Variants in INPP5A observed in about 807,000 individuals in gnomAD.
INPP5A encodes the protein 43 kDa inositol polyphosphate 5-phophatase.
In INPP5A, 14 loss-of-function variants were observed where a neutral mutation model predicts 65.2. The ratio of observed to expected loss-of-function variants is 0.21; its 90% CI spans 0.14 to 0.34. The LOEUF (loss-of-function observed/expected upper bound fraction) is 0.34. INPP5A is among the 10% of genes least tolerant of loss of function. The probability of loss-of-function intolerance (pLI) is 1.00; values close to 1 mark genes in which losing one functional copy is unlikely to be tolerated. For missense variants in INPP5A, 431 were observed against 545.6 expected (o/e 0.79, Z 2.09); for synonymous variants, 207 against 208.3 (o/e 0.99, Z 0.05).
chr10:132,730,891 TCAGATCTGATAA>T (rs1846072717), intron 9 of INPP5A, among the ~76,000 whole-genome samples: 2 of 152,192 alleles, frequency 1.3e-5, no homozygotes, highest in African/African-American at 4.8e-5. Flanking sequence ...TCATTTTAAT[TCAGATCTGATAA>T]TTCAGATCTG....
chr10:132,744,366 C>T (rs966632835), intron 9 of INPP5A, among the ~76,000 whole-genome samples: 7 of 152,194 alleles, frequency 4.6e-5, no homozygotes, highest in Admixed American at 2.0e-4. Context: ...GCAGAGCGGC[C>T]GCTGTCACCG....
At position 132,707,695 on chromosome 10, in the gene INPP5A, C is replaced by G. The variant is rs559899496; in HGVS notation, c.475-618C>G. Among the ~76,000 whole-genome samples the G allele has an allele frequency of 2.0e-5, 3 of 152,158 alleles. No individual in the cohort carries two copies. Among genetic ancestry groups the G allele is most frequent in the Non-Finnish European group, 4.4e-5 (3 of 68,030 alleles). ...CCTCTTTGGAATCTCATGCTGTTGACTGTTTCACTTGAATTTTGGGGGTAC... is the reference window on the plus strand; with the variant it reads ...CCTCTTTGGAATCTCATGCTGTTGAGTGTTTCACTTGAATTTTGGGGGTAC... On this transcript the variant is annotated intron_variant, in intron 6 of 15. Transcript: ENST00000368594. This position sits in a 1 kb window ranked among gnomAD's most constrained non-coding sequence, Gnocchi z 5.5.
chr10:132,630,400 G>T (rs2072249634), intron 2 of INPP5A, among the ~76,000 whole-genome samples: 1 of 152,112 alleles, frequency 6.6e-6, no homozygotes, highest in African/African-American at 2.4e-5. Context: ...AGATGTCTAT[G>T]AGGAGATGGT....
intron 11 of INPP5A, among the ~76,000 whole-genome samples, chr10:132,761,632 A>G (rs1846734917): frequency 6.6e-6 from 1 of 152,142 alleles, no homozygotes; most frequent in Admixed American, 6.5e-5. Context: ...AGAGCCATAA[A>G]CAGTCACCCT....
intron 4 of INPP5A, among the ~76,000 whole-genome samples, chr10:132,653,131 C>A (rs973482387): frequency 1.3e-5 from 2 of 152,156 alleles, no homozygotes; most frequent in South Asian, 4.1e-4. Flanking sequence ...TCCGTCTGTC[C>A]GAGCCTGGCT....
At chr10:132,693,355 A>G (rs186317554) in intron 5 of INPP5A, among the ~76,000 whole-genome samples, 9 of 152,328 alleles carry the variant, frequency 5.9e-5, no homozygotes, top group Admixed American at 4.6e-4. Context: ...TGGTCTAAAT[A>G]TACCAATTAA....
At position 132,538,359 on chromosome 10, in the gene INPP5A, C is replaced by G. The variant is rs1343791573; in HGVS notation, c.75+188C>G. Reference sequence around the variant, plus strand: ...CAAGTCTGGGAGCCCAGACCCCTGTCTTGATCCCCAAGCCCGAGACCTGAA... The same window carrying G: ...CAAGTCTGGGAGCCCAGACCCCTGTGTTGATCCCCAAGCCCGAGACCTGAA... On this transcript the variant is annotated intron_variant, in intron 1 of 15. Coordinates refer to ENST00000368594, the MANE Select transcript of INPP5A (RefSeq NM_005539.5). The surrounding 1 kb of genome is among the most constrained non-coding windows in gnomAD (Gnocchi z 4.1). 1.3e-5 allele frequency among the ~76,000 whole-genome samples: 2 copies of G among 152,132 alleles called. No homozygotes were observed. Among genetic ancestry groups the G allele is most frequent in the Non-Finnish European group, 2.9e-5 (2 of 68,008 alleles).
At chr10:132,612,421 GT>G (rs1456573446) in intron 2 of INPP5A, among the ~76,000 whole-genome samples, 1 of 150,912 alleles carries the variant, frequency 6.6e-6, no homozygotes, top group African/African-American at 2.5e-5. Context: ...GTTGTGTTTT[GT>G]GGGGTTTGGG....
intron 8 of INPP5A, among the ~76,000 whole-genome samples, chr10:132,718,509 C>T (rs1282494493): frequency 6.7e-6 from 1 of 148,928 alleles, no homozygotes; most frequent in African/African-American, 2.5e-5. Flanking sequence ...AGATGGCTGT[C>T]TTGCGGGTTC....
rs1225238370 is a variant in INPP5A at position 132,587,055 on chromosome 10, A to C, written c.76-20860A>C. 6.6e-6 allele frequency among the ~76,000 whole-genome samples: 1 copy of C among 152,174 alleles called. No individual in the cohort carries two copies. Among genetic ancestry groups the C allele is most frequent in the Non-Finnish European group, 1.5e-5 (1 of 68,022 alleles). ...TCGTTACGCTGTCATCAGCAAGATC[A>C]CTGTCACTAGGACTGCGTGTATTCC... On this transcript the variant is annotated intron_variant, in intron 1 of 15. Transcript: ENST00000368594. This position sits in a 1 kb window ranked among gnomAD's most constrained non-coding sequence, Gnocchi z 4.3.
At chr10:132,576,810 G>C (rs1053207808) in intron 1 of INPP5A, among the ~76,000 whole-genome samples, 6 of 152,214 alleles carry the variant, frequency 3.9e-5, no homozygotes, top group Non-Finnish European at 8.8e-5. Flanking sequence ...AGAGTCCCCA[G>C]CTGGGATGGG....
At chr10:132,724,974 C>T (rs1386507596) in intron 8 of INPP5A, among the ~76,000 whole-genome samples, 140 of 125,830 alleles carry the variant, frequency 1.1e-3, no homozygotes, top group African/African-American at 3.9e-3. Flanking sequence ...CAGGAGCACA[C>T]GCCATATTCA....
intron 4 of INPP5A, among the ~76,000 whole-genome samples, chr10:132,689,156 C>G (rs1186976597): frequency 6.6e-6 from 1 of 151,958 alleles, no homozygotes. Flanking sequence ...CTCACACAGA[C>G]ACAGTGAGGG....
rs57578856 is a variant in INPP5A at position 132,540,630 on chromosome 10, G to A, written c.75+2459G>A. The stretch of plus-strand genomic sequence containing the variant: ...GTACTTGTGGGCCAGAAGCCTGGCC[G>A]GTGGAAGGAAATTCATGAGTGAAGG... On this transcript the variant is annotated intron_variant, in intron 1 of 15. Coordinates refer to ENST00000368594, the MANE Select transcript of INPP5A (RefSeq NM_005539.5). Among the ~76,000 whole-genome samples, 429 of 152,364 alleles carry A rather than the reference G, an allele frequency of 2.8e-3. 1 individual carries two copies. The highest frequency in any genetic ancestry group is 9.9e-3 in the African/African-American group (411 of 41,586).
chr10:132,554,783 C>T (rs1453678521), intron 1 of INPP5A, among the ~76,000 whole-genome samples: 1 of 147,774 alleles, frequency 6.8e-6, no homozygotes, highest in Admixed American at 6.7e-5. Flanking sequence ...ATGTGGGTAG[C>T]GTGGTTGGTC....
Position 132,698,915 on chromosome 10 carries a change from T to C in INPP5A, c.474+996T>C, listed in dbSNP as rs962880109. Among the ~76,000 whole-genome samples the C allele has an allele frequency of 6.6e-5, 10 of 152,236 alleles. No individual in the cohort carries two copies. The highest frequency in any genetic ancestry group is 2.4e-4 in the African/African-American group (10 of 41,464). ...ATGGCCCGCACCTTGAGTGAGGGAC[T>C]GTGGCCGCCCGTGAAGGATGGGGTG... On this transcript the variant is annotated intron_variant, in intron 6 of 15. Coordinates refer to ENST00000368594, the MANE Select transcript of INPP5A (RefSeq NM_005539.5). This position sits in a 1 kb window ranked among gnomAD's most constrained non-coding sequence, Gnocchi z 5.5.
At chr10:132,726,578 C>T (rs576443166) in intron 8 of INPP5A, among the ~76,000 whole-genome samples, 33 of 152,334 alleles carry the variant, frequency 2.2e-4, no homozygotes, top group Non-Finnish European at 5.9e-5. Flanking sequence ...CCTCTTCCTC[C>T]ATGTCGCTGG....
chr10:132,686,101 C>G (rs181433610), intron 4 of INPP5A, among the ~76,000 whole-genome samples: 19 of 152,236 alleles, frequency 1.2e-4, no homozygotes, highest in Admixed American at 4.6e-4. Context: ...CCTTCAGAGA[C>G]CAGGGTCCCA....
chr10:132,550,310 C>T lies in INPP5A; in HGVS notation c.75+12139C>T, dbSNP rs931701880. On this transcript the variant is annotated intron_variant, in intron 1 of 15. Transcript: ENST00000368594. This position sits in a 1 kb window ranked among gnomAD's most constrained non-coding sequence, Gnocchi z 4.2. ...AATGAGGCTGCTCGGGGGGCTGTCT[C>T]AGGCCTCTGGCCAGTAGTCCCTGTC... Among the ~76,000 whole-genome samples the T allele has an allele frequency of 1.3e-5, 2 of 152,226 alleles. No homozygotes were observed. The highest frequency in any genetic ancestry group is 4.8e-5 in the African/African-American group (2 of 41,458).
Sources: allele counts gnomAD v4.1 joint callset (sites outside exome capture counted in the v4.1 genomes callset), GRCh38; gene constraint gnomAD v4.1.1; non-coding constraint Gnocchi (gnomAD v3.1); transcripts MANE v1.5; gene names NCBI Gene and HGNC (gene_info 2026-07-23, HGNC 2026-07-21).